ATF6: variants seen among roughly 807,000 people sequenced by gnomAD.
ATF6 encodes cyclic AMP-dependent transcription factor ATF-6 alpha.
ATF6 carries 53 observed loss-of-function variants against 83.6 expected under a neutral mutation model. The observed-to-expected ratio is 0.63, with a 90% CI of 0.51 to 0.80. The LOEUF is 0.80. Among genes scored for constraint, ATF6 ranks in the 30% least tolerant of loss-of-function variants. The pLI is 0.00. For synonymous variants in ATF6, 288 were observed against 285.8 expected, an observed-to-expected ratio of 1.01 and a Z score of -0.08; for missense variants, 744 against 797.9, an observed-to-expected ratio of 0.93 and a Z score of 0.81.
At chr1:161,808,287 A>G (rs1160195659) in intron 7 of ATF6, among the ~76,000 whole-genome samples, 2 of 152,102 alleles carry the variant, frequency 1.3e-5, no homozygotes, top group South Asian at 2.1e-4. Context: ...TCCCTTCTCA[A>G]AACCTTGTGG....
intron 14 of ATF6, among the ~76,000 whole-genome samples, chr1:161,912,024 T>C (rs530593269): frequency 2.0e-3 from 311 of 152,312 alleles, no homozygotes; most frequent in South Asian, 5.4e-3. Context: ...GTATTCTTTA[T>C]AGTGGTGCTA....
At chr1:161,900,660 TAG>T (rs1687765169) in intron 14 of ATF6, among the ~76,000 whole-genome samples, 4 of 152,142 alleles carry the variant, frequency 2.6e-5, no homozygotes, top group African/African-American at 9.7e-5. Flanking sequence ...TTGATTAAAG[TAG>T]TTTATTTAAA....
intron 7 of ATF6, among the ~76,000 whole-genome samples, chr1:161,817,317 TTC>T (rs1685635327): frequency 6.6e-6 from 1 of 152,220 alleles, no homozygotes; most frequent in African/African-American, 2.4e-5. Flanking sequence ...TCTGGGAACT[TTC>T]ACTTTTATGT....
intron 15 of ATF6, among the ~76,000 whole-genome samples, chr1:161,938,470 A>G (rs1248550650): frequency 6.6e-6 from 1 of 152,246 alleles, no homozygotes; most frequent in Non-Finnish European, 1.5e-5. Flanking sequence ...GAGAAACATA[A>G]GAGTGTAAAG....
chr1:161,800,548 C>T (rs1027083961), intron 6 of ATF6, among the ~76,000 whole-genome samples: 5 of 152,152 alleles, frequency 3.3e-5, no homozygotes, highest in African/African-American at 1.2e-4. Flanking sequence ...AAAATTATGA[C>T]ATACCATTAA....
At chr1:161,872,576 C>G (rs1206141367) in intron 14 of ATF6, among the ~76,000 whole-genome samples, 2 of 151,426 alleles carry the variant, frequency 1.3e-5, no homozygotes, top group Non-Finnish European at 3.0e-5. Flanking sequence ...GAAAATAAAT[C>G]AACTTGTTTA....
intron 14 of ATF6, among the ~76,000 whole-genome samples, chr1:161,864,991 C>T (rs6427632): frequency 0.26 from 40,127 of 152,066 alleles, 8,889 homozygotes; most frequent in African/African-American, 0.61. Flanking sequence ...GTTTTTAACA[C>T]TCAAATAGAC....
At chr1:161,862,448 A>G in intron 13 of ATF6, among the ~76,000 whole-genome samples, 1 of 152,168 alleles carries the variant, frequency 6.6e-6, no homozygotes, top group East Asian at 1.9e-4. Flanking sequence ...ACTCTATTAG[A>G]ATCATTTGAC....
intron 4 of ATF6, among the ~76,000 whole-genome samples, chr1:161,790,830 AC>A (rs1316643724): frequency 1.3e-5 from 2 of 151,926 alleles, no homozygotes; most frequent in Non-Finnish European, 2.9e-5. Context: ...AACAACAACA[AC>A]AACAACAACA....
At chr1:161,885,330 G>C (rs1571213631) in intron 14 of ATF6, among the ~76,000 whole-genome samples, 1 of 152,100 alleles carries the variant, frequency 6.6e-6, no homozygotes, top group African/African-American at 2.4e-5. Flanking sequence ...GTACTCCCCA[G>C]TATGTTCCTT....
chr1:161,811,514 A>G (rs530819282), intron 7 of ATF6, among the ~76,000 whole-genome samples: 8 of 152,336 alleles, frequency 5.3e-5, no homozygotes, highest in African/African-American at 1.7e-4. Flanking sequence ...TTGTATGGGT[A>G]CACATGTTAA....
At chr1:161,894,702 ATT>A (rs59848309) in intron 14 of ATF6, among the ~76,000 whole-genome samples, 1,264 of 109,138 alleles carry the variant, frequency 0.012, 6 homozygotes, top group Non-Finnish European at 0.016. Context: ...AGCCGGGCTA[ATT>A]TTTTTTTTTT....
intron 15 of ATF6, among the ~76,000 whole-genome samples, chr1:161,944,297 T>A (rs191373097): frequency 6.6e-6 from 1 of 152,318 alleles, no homozygotes; most frequent in Admixed American, 6.5e-5. Flanking sequence ...TTGGACTGTC[T>A]CCAAGCAGCA....
intron 6 of ATF6, among the ~76,000 whole-genome samples, chr1:161,800,580 G>A (rs1685122190): frequency 6.6e-6 from 1 of 152,198 alleles, no homozygotes; most frequent in South Asian, 2.1e-4. Context: ...AATAATGTGT[G>A]CAGAGTAACA....
intron 12 of ATF6, among the ~76,000 whole-genome samples, chr1:161,854,103 G>A (rs1342197407): frequency 6.6e-6 from 1 of 152,220 alleles, no homozygotes; most frequent in East Asian, 1.9e-4. Flanking sequence ...ATTGAGAAAT[G>A]AGTGACTAGA....
intron 2 of ATF6, among the ~76,000 whole-genome samples, chr1:161,779,976 G>C (rs1386201679): frequency 6.6e-6 from 1 of 152,020 alleles, no homozygotes; most frequent in Non-Finnish European, 1.5e-5. Flanking sequence ...GAGCTCAAGT[G>C]GTCCACCCAC....
chr1:161,897,360 G>A (rs1272868877), intron 14 of ATF6, among the ~76,000 whole-genome samples: 1 of 152,126 alleles, frequency 6.6e-6, no homozygotes, highest in African/African-American at 2.4e-5. Flanking sequence ...GATCACTTGA[G>A]CCTGGGGAAA....
intron 14 of ATF6, among the ~76,000 whole-genome samples, chr1:161,881,913 C>T (rs1188809736): frequency 2.6e-5 from 4 of 151,954 alleles, no homozygotes; most frequent in East Asian, 3.9e-4. Context: ...TTAGGTTTTA[C>T]ATTTAGGTGT....
At chr1:161,782,500 C>T (rs1310412428) in intron 3 of ATF6, among the ~76,000 whole-genome samples, 1 of 152,182 alleles carries the variant, frequency 6.6e-6, no homozygotes, top group East Asian at 1.9e-4. Context: ...TGCTGGGATA[C>T]AGCTGATGGT....
Sources: gnomAD v4.1 joint callset for allele counts (sites outside exome capture counted in the v4.1 genomes callset) on GRCh38, gnomAD v4.1.1 for gene constraint, MANE v1.5 for transcripts, NCBI Gene and HGNC (gene_info 2026-07-23, HGNC 2026-07-21) for gene names.